Variants in DYM observed in about 807,000 individuals in gnomAD.
DYM encodes the protein dymeclin, also known as dyggve-Melchior-Clausen syndrome protein.
DYM carries 78 observed loss-of-function variants against 93.1 expected under a neutral mutation model. The ratio of observed to expected loss-of-function variants is 0.84; its 90% CI spans 0.70 to 1.01. The LOEUF is 1.01. Ranked by LOEUF, DYM falls within the 50% of genes least tolerant of loss-of-function variation. DYM has a pLI of 0.00. For synonymous variants in DYM, 321 were observed against 319.7 expected, an observed-to-expected ratio of 1.00 and a Z score of -0.04; for missense variants, 789 against 845.0, an observed-to-expected ratio of 0.93 and a Z score of 0.82.
At position 49,282,182 on chromosome 18, in the gene DYM, T is replaced by C. The variant is rs912472150; in HGVS notation, c.947-7A>G. ...GAGGGGAAAGGACTGCTATCTGGAA[T>C]ACAGAAAACAGCACATCAGTAATTT... On this transcript the variant is annotated splice_polypyrimidine_tract_variant and splice_region_variant and intron_variant, in intron 9 of 17. Coordinates refer to ENST00000675505, the MANE Select transcript of DYM (RefSeq NM_001353214.3). The C allele has an allele frequency of 1.2e-6, 2 of 1,612,992 alleles. No homozygotes were observed. The highest frequency in any genetic ancestry group is 2.2e-5 in the East Asian group (1 of 44,812).
At chr18:49,395,190 G>A (rs1481728192) in intron 2 of DYM, among the ~76,000 whole-genome samples, 1 of 151,880 alleles carries the variant, frequency 6.6e-6, no homozygotes, top group African/African-American at 2.4e-5. Flanking sequence ...AGAACAAAGT[G>A]AAGAGACAAT....
At chr18:49,413,942 G>A (rs912481955) in intron 2 of DYM, among the ~76,000 whole-genome samples, 8 of 151,864 alleles carry the variant, frequency 5.3e-5, no homozygotes, top group African/African-American at 9.7e-5. Context: ...CCCAGGAGGC[G>A]GAGGTTACAT....
intron 14 of DYM, among the ~76,000 whole-genome samples, chr18:49,170,641 G>A (rs146529568): frequency 0.018 from 2,734 of 151,928 alleles, 31 homozygotes; most frequent in Middle Eastern, 0.027. Flanking sequence ...CTAGCTGGGC[G>A]TGGTGGCACG....
At chr18:49,131,269 T>C (rs945308720) in intron 15 of DYM, among the ~76,000 whole-genome samples, 10 of 152,228 alleles carry the variant, frequency 6.6e-5, no homozygotes, top group African/African-American at 2.4e-4. Context: ...CTTCTCCCTG[T>C]GTCCTCACAG....
chr18:49,411,332 C>CA (rs2072220461), intron 2 of DYM, among the ~76,000 whole-genome samples: 1 of 151,882 alleles, frequency 6.6e-6, no homozygotes, highest in African/African-American at 2.4e-5. Context: ...TCCAATCATG[C>CA]AAAAATTATG....
intron 14 of DYM, among the ~76,000 whole-genome samples, chr18:49,204,006 G>A (rs542980114): frequency 6.6e-6 from 1 of 151,706 alleles, no homozygotes; most frequent in East Asian, 1.9e-4. Flanking sequence ...TATTTGGGCA[G>A]GGGAGTCTCT....
At chr18:49,394,510 C>T (rs898507091) in intron 2 of DYM, among the ~76,000 whole-genome samples, 1 of 152,006 alleles carries the variant, frequency 6.6e-6, no homozygotes, top group Admixed American at 6.5e-5. Context: ...TTTGGCTATT[C>T]TGGGTCTTCT....
chr18:49,144,309 G>GT (rs147443427), intron 15 of DYM, among the ~76,000 whole-genome samples: 20,992 of 146,994 alleles, frequency 0.14, 1,864 homozygotes, highest in East Asian at 0.28. Flanking sequence ...TAGTTTTTGG[G>GT]TTTTTTTTTT....
chr18:49,217,578 G>A (rs1184177182), intron 13 of DYM, among the ~76,000 whole-genome samples: 1 of 152,228 alleles, frequency 6.6e-6, no homozygotes, highest in Non-Finnish European at 1.5e-5. Context: ...CCACAAGCCA[G>A]AAGAGAGTGG....
chr18:49,114,969 G>T (rs568208592), intron 16 of DYM, among the ~76,000 whole-genome samples: 208 of 152,186 alleles, frequency 1.4e-3, no homozygotes, highest in Non-Finnish European at 2.5e-3. Context: ...TGTGTATAGT[G>T]GTTAGGCAGA....
intron 14 of DYM, among the ~76,000 whole-genome samples, chr18:49,166,479 A>G (rs2087891760): frequency 6.6e-6 from 1 of 152,180 alleles, no homozygotes; most frequent in Non-Finnish European, 1.5e-5. Context: ...AGCATGCCTG[A>G]GTGAGACTAT....
chr18:49,192,176 C>T (rs972087138), intron 14 of DYM, among the ~76,000 whole-genome samples: 2 of 149,362 alleles, frequency 1.3e-5, no homozygotes, highest in Non-Finnish European at 3.0e-5. Flanking sequence ...AGCGATCCTT[C>T]CACCCAGAGT....
chr18:49,346,554 A>G (rs900053472), intron 6 of DYM, among the ~76,000 whole-genome samples: 2 of 152,190 alleles, frequency 1.3e-5, no homozygotes, highest in African/African-American at 4.8e-5. Context: ...TTCTAGAATT[A>G]GATAGTGGTG....
chr18:49,160,063 C>A (rs1475463456), intron 15 of DYM, among the ~76,000 whole-genome samples: 1 of 152,126 alleles, frequency 6.6e-6, no homozygotes, highest in African/African-American at 2.4e-5. Flanking sequence ...ACAATTCTCT[C>A]CTGTCCCTGT....
At position 49,041,254 on chromosome 18, in the gene DYM, A is replaced by G. The variant is rs1414614547; in HGVS notation, c.*2801T>C. On this transcript the variant is annotated 3_prime_UTR_variant, in exon 18 of 18. Transcript: ENST00000675505. ...AAAGTGCCTTGAACTCTTGATAGGG[A>G]AGATGCTATTGAAAGGGACAAATTC... Among the ~76,000 whole-genome samples, 2 of 152,192 alleles carry G rather than the reference A, an allele frequency of 1.3e-5. No homozygotes were observed. Among genetic ancestry groups the G allele is most frequent in the Non-Finnish European group, 2.9e-5 (2 of 68,034 alleles).
chr18:49,103,509 T>C (rs28787914), intron 16 of DYM, among the ~76,000 whole-genome samples: 13 of 152,120 alleles, frequency 8.5e-5, no homozygotes, highest in African/African-American at 3.1e-4. Context: ...CTGAATGGTA[T>C]TGCCTAGGTT....
intron 2 of DYM, among the ~76,000 whole-genome samples, chr18:49,392,681 TAAAAAAA>T (rs869086187): frequency 1.2e-3 from 84 of 68,504 alleles, no homozygotes; most frequent in East Asian, 3.3e-3. Flanking sequence ...GGCTTTTATT[TAAAAAAA>T]AAAAAAAAAA....
At chr18:49,143,612 C>T (rs1208594025) in intron 15 of DYM, among the ~76,000 whole-genome samples, 2 of 152,048 alleles carry the variant, frequency 1.3e-5, no homozygotes, top group African/African-American at 4.8e-5. Context: ...AAATATAGTT[C>T]TTTCTGATTC....
chr18:49,254,653 T>C (rs1393505150), intron 13 of DYM, among the ~76,000 whole-genome samples: 1 of 152,200 alleles, frequency 6.6e-6, no homozygotes, highest in East Asian at 1.9e-4. Context: ...ATTGTTTGCA[T>C]CTCAAAAACA....
Sources: gnomAD v4.1 joint callset for allele counts (sites outside exome capture counted in the v4.1 genomes callset) on GRCh38, gnomAD v4.1.1 for gene constraint, MANE v1.5 for transcripts, NCBI Gene and HGNC (gene_info 2026-07-23, HGNC 2026-07-21) for gene names.